ARHGEF26: variants seen among roughly 807,000 people sequenced by gnomAD.
ARHGEF26 encodes Rho guanine nucleotide exchange factor 26, also known as Rho guanine nucleotide exchange factor (GEF) 26.
A neutral mutation model predicts 89.4 loss-of-function variants in ARHGEF26; 59 were observed. That is an observed-to-expected ratio of 0.66 (90% CI 0.54 to 0.82). ARHGEF26 has a LOEUF of 0.82. Among genes scored for constraint, ARHGEF26 ranks in the 40% least tolerant of loss-of-function variants. The pLI, the probability that ARHGEF26 is intolerant of heterozygous loss-of-function variation, is 0.00. For missense variants in ARHGEF26, 1,234 were observed against 1,085.6 expected, an observed-to-expected ratio of 1.14 and a Z score of -1.92; for synonymous variants, 500 against 428.4, an observed-to-expected ratio of 1.17 and a Z score of -2.06.
At chr3:154,143,942 A>AT (rs1719537222) in intron 4 of ARHGEF26, among the ~76,000 whole-genome samples, 2 of 152,228 alleles carry the variant, frequency 1.3e-5, no homozygotes, top group South Asian at 4.1e-4. Flanking sequence ...CATAAATTTT[A>AT]GTCCAGGCTC....
chr3:154,196,435 C>T (rs1305787550), intron 9 of ARHGEF26, among the ~76,000 whole-genome samples: 1 of 152,088 alleles, frequency 6.6e-6, no homozygotes, highest in Non-Finnish European at 1.5e-5. Flanking sequence ...AGTTACATAG[C>T]CCTATATGAA....
At chr3:154,207,310 A>G (rs1230113419) in intron 9 of ARHGEF26, among the ~76,000 whole-genome samples, 1 of 152,174 alleles carries the variant, frequency 6.6e-6, no homozygotes, top group East Asian at 1.9e-4. Context: ...TCAACAGAGT[A>G]AACAGACAGC....
At chr3:154,166,712 G>A (rs985628231) in intron 6 of ARHGEF26, among the ~76,000 whole-genome samples, 3 of 152,112 alleles carry the variant, frequency 2.0e-5, no homozygotes, top group African/African-American at 7.2e-5. Context: ...ATCCTCATCA[G>A]GGGCTGCCTC....
intron 4 of ARHGEF26, among the ~76,000 whole-genome samples, chr3:154,133,245 TG>T (rs1718797400): frequency 6.6e-6 from 1 of 152,164 alleles, no homozygotes. Context: ...TGGACCATGC[TG>T]GGTAAGGCAG....
intron 12 of ARHGEF26, among the ~76,000 whole-genome samples, chr3:154,247,141 T>G (rs905065093): frequency 1.3e-5 from 2 of 152,194 alleles, no homozygotes; most frequent in African/African-American, 4.8e-5. Context: ...TATGTTTTTC[T>G]CAGCCTCTTA....
chr3:154,201,207 T>G lies in ARHGEF26; in HGVS notation c.1845+6489T>G, dbSNP rs189799764. Among the ~76,000 whole-genome samples the G allele has an allele frequency of 8.4e-5, 12 of 142,216 alleles. No homozygotes were observed. In the East Asian group the frequency reaches 2.8e-3, roughly 34 times the overall value. 93.3% of individuals were successfully genotyped at this position (142,216 alleles called of 152,430 possible). On this transcript the variant is annotated intron_variant, in intron 9 of 14. Coordinates refer to ENST00000465093, the MANE Select transcript of ARHGEF26 (RefSeq NM_015595.4). ...TGTGATGTTCCCCTTCATGTGTCCA[T>G]GTGTTCTCATTGTTCAATTCCCACC...
rs1265074941 is a variant in ARHGEF26, at chr3:154,187,737, A to G, written c.1540A>G (p.Ile514Val). ...RHQNNIFIDD[I>V]SDIVEKHTAS... is the part of the protein sequence containing the mutation. ...TCAGAATAATATCTTCATAGATGACATAAGTGACATTGTGGAAAAACACAC... is the reference window on the plus strand; with the variant it reads ...TCAGAATAATATCTTCATAGATGACGTAAGTGACATTGTGGAAAAACACAC... The change falls in exon 7 of 15, where the codon ATA becomes GTA. Residue 514 changes from isoleucine (I) to valine (V), a missense_variant. Ile to Val is a conservative substitution (Grantham distance 29, BLOSUM62 3). Coordinates refer to ENST00000465093, the MANE Select transcript of ARHGEF26 (RefSeq NM_015595.4). The G allele has an allele frequency of 2.5e-6, 4 of 1,611,812 alleles. No homozygotes were observed. Among genetic ancestry groups the G allele is most frequent in the Non-Finnish European group, 3.4e-6 (4 of 1,178,774 alleles).
intron 10 of ARHGEF26, among the ~76,000 whole-genome samples, chr3:154,223,288 T>G (rs959708143): frequency 6.6e-6 from 1 of 152,174 alleles, no homozygotes; most frequent in Non-Finnish European, 1.5e-5. Context: ...GAGGACAGTT[T>G]GTTAGTTTCC....
intron 12 of ARHGEF26, among the ~76,000 whole-genome samples, chr3:154,250,413 GTC>G (rs1718070061): frequency 6.6e-6 from 1 of 152,156 alleles, no homozygotes; most frequent in Non-Finnish European, 1.5e-5. Flanking sequence ...TCAATTGAAA[GTC>G]TCAAAAAGCT....
intron 4 of ARHGEF26, among the ~76,000 whole-genome samples, chr3:154,141,519 G>T (rs1719384964): frequency 6.6e-6 from 1 of 152,214 alleles, no homozygotes; most frequent in Non-Finnish European, 1.5e-5. Context: ...GAGGCTGTGA[G>T]TAGAATGGTT....
At chr3:154,239,289 AGAGAGAGAGAGTGTGTGT>A (rs1230800247) in intron 11 of ARHGEF26, among the ~76,000 whole-genome samples, 1,086 of 103,498 alleles carry the variant, frequency 0.01, 9 homozygotes, top group African/African-American at 0.041. Flanking sequence ...AGAGAGAGAG[AGAGAGAGAGAGTGTGTGT>A]GTGTGTGTGT....
intron 2 of ARHGEF26, 36 bp from the exon 3 acceptor site, chr3:154,124,374 T>TTTTTTTTTTTTTTTTTTC: frequency 7.7e-6 from 5 of 648,542 alleles, no homozygotes; most frequent in South Asian, 5.4e-5. Context: ...TGCTTTTCCT[T>TTTTTTTTTTTTTTTTTTC]TTTTTTTTTT....
intron 11 of ARHGEF26, among the ~76,000 whole-genome samples, chr3:154,232,748 A>T (rs1403822346): frequency 6.6e-6 from 1 of 152,168 alleles, no homozygotes; most frequent in Non-Finnish European, 1.5e-5. Flanking sequence ...TGGTACTGTT[A>T]TTCCCACTTT....
chr3:154,144,267 C>T (rs971648431), intron 4 of ARHGEF26, among the ~76,000 whole-genome samples: 61 of 152,174 alleles, frequency 4.0e-4, no homozygotes, highest in African/African-American at 1.4e-3. Flanking sequence ...GTTTGAATCT[C>T]AGCTTTCCAA....
At chr3:154,161,740 G>T (rs1462568619) in intron 6 of ARHGEF26, among the ~76,000 whole-genome samples, 1 of 152,176 alleles carries the variant, frequency 6.6e-6, no homozygotes, top group African/African-American at 2.4e-5. Flanking sequence ...GTGAATCAAA[G>T]TAAATAGATT....
intron 6 of ARHGEF26, among the ~76,000 whole-genome samples, chr3:154,170,415 A>T (rs1439433085): frequency 1.3e-5 from 2 of 152,188 alleles, no homozygotes; most frequent in Non-Finnish European, 2.9e-5. Context: ...TCCTATTGAG[A>T]TAACTCAGGA....
intron 11 of ARHGEF26, among the ~76,000 whole-genome samples, chr3:154,231,840 T>C (rs1331530394): frequency 1.3e-5 from 2 of 152,092 alleles, no homozygotes; most frequent in Non-Finnish European, 2.9e-5. Context: ...GGAAAAACTA[T>C]TGGTCAATTT....
intron 9 of ARHGEF26, among the ~76,000 whole-genome samples, chr3:154,203,958 T>C (rs962166810): frequency 4.6e-5 from 7 of 152,172 alleles, no homozygotes; most frequent in Admixed American, 2.0e-4. Context: ...CCTGTAGTTT[T>C]CTTTTTTGAT....
At chr3:154,200,002 TG>T (rs1382128297) in intron 9 of ARHGEF26, among the ~76,000 whole-genome samples, 1 of 152,242 alleles carries the variant, frequency 6.6e-6, no homozygotes, top group East Asian at 1.9e-4. Context: ...CCTTCTATTC[TG>T]GGGGTTGTCT....
Sources: gnomAD v4.1 joint callset for allele counts (sites outside exome capture counted in the v4.1 genomes callset) on GRCh38, gnomAD v4.1.1 for gene constraint, MANE v1.5 for transcripts, NCBI Gene and HGNC (gene_info 2026-07-23, HGNC 2026-07-21) for gene names.